The following BCLAF3 variants were observed in gnomAD, a reference collection of about 807,000 sequenced individuals.
BCLAF3 encodes BCLAF1 and THRAP3 family member 3, also known as transient octamer binding factor 1.
BCLAF3 carries 24 observed loss-of-function variants against 51.2 expected under a neutral mutation model. That is an observed-to-expected ratio of 0.47 (90% confidence interval 0.34 to 0.66). The LOEUF (loss-of-function observed/expected upper bound fraction) is 0.66. Ranked by LOEUF, BCLAF3 falls within the 30% of genes least tolerant of loss-of-function variation. The pLI, the probability that BCLAF3 is intolerant of heterozygous loss-of-function variation, is 0.01. For synonymous variants in BCLAF3, 152 were observed against 176.6 expected (o/e 0.86, Z 1.10); for missense variants, 465 against 525.1 (o/e 0.89, Z 1.12).
chrX:19,955,324 T>C (rs2071625580), intron 5 of BCLAF3, 67 bp downstream of exon 5: 1 of 814,637 alleles, frequency 1.2e-6, no homozygotes, highest in Non-Finnish European at 1.7e-6. Flanking sequence ...TGCAGGTGTT[T>C]ACCTGTATCT....
intron 8 of BCLAF3, among the ~76,000 whole-genome samples, chrX:19,946,480 C>CT (rs112708677): frequency 4.4e-4 from 49 of 110,381 alleles, no homozygotes; most frequent in Non-Finnish European, 5.9e-4. Flanking sequence ...TACCTCTAAT[C>CT]TTTTTTTTTC....
chrX:19,938,889 C>A (rs6527953), intron 8 of BCLAF3, among the ~76,000 whole-genome samples: 37,393 of 111,305 alleles, frequency 0.34, 7,324 homozygotes, highest in African/African-American at 0.75. Flanking sequence ...TGCTATGTGC[C>A]CATGTAGCAT....
intron 4 of BCLAF3, among the ~76,000 whole-genome samples, chrX:19,960,984 G>A (rs1205946839): frequency 9.0e-6 from 1 of 111,636 alleles, no homozygotes; most frequent in African/African-American, 3.3e-5. Context: ...AGCTTCCCAG[G>A]AGATCAAAGG....
At position 19,966,062 on chromosome X, in the gene BCLAF3, T is replaced by C. The variant is rs778582879; in HGVS notation, c.611+18A>G. The C allele has an allele frequency of 1.2e-5, 14 of 1,173,384 alleles. No homozygotes were observed. Among genetic ancestry groups the C allele is most frequent in the African/African-American group, 1.8e-5 (1 of 55,650 alleles). Reference sequence around the variant, plus strand: ...GAGGCTTTATACCAAATTACCCAGGTTTAATGTTTTCCTATACCTCTTCTG... The same window carrying C: ...GAGGCTTTATACCAAATTACCCAGGCTTAATGTTTTCCTATACCTCTTCTG... On this transcript the variant is annotated intron_variant, in intron 3 of 11. Coordinates refer to ENST00000379682, the MANE Select transcript of BCLAF3 (RefSeq NM_001367774.2).
intron 1 of BCLAF3, among the ~76,000 whole-genome samples, chrX:19,989,438 G>C (rs1270201636): frequency 8.9e-6 from 1 of 111,973 alleles, no homozygotes; most frequent in Non-Finnish European, 1.9e-5. Flanking sequence ...GGAGGTTGCA[G>C]TGAGCCGAGA....
chrX:19,982,958 C>CTTTT (rs749753466), intron 1 of BCLAF3, among the ~76,000 whole-genome samples: 2 of 72,347 alleles, frequency 2.8e-5, no homozygotes, highest in African/African-American at 7.2e-5. Flanking sequence ...TTTTTTTTTT[C>CTTTT]TTTTTTTTTT....
chrX:19,933,302 A>G lies in BCLAF3; in HGVS notation c.1950+2507T>C, dbSNP rs146058918. Reference sequence around the variant, plus strand: ...ATGTTTAGGTTCTGTAATAATTGTCAAAGACTTGCCCACAGAAATAGATTT... The same window carrying G: ...ATGTTTAGGTTCTGTAATAATTGTCGAAGACTTGCCCACAGAAATAGATTT... On this transcript the variant is annotated intron_variant, in intron 10 of 11. Transcript: ENST00000379682. 7.2e-3 allele frequency among the ~76,000 whole-genome samples: 809 copies of G among 112,345 alleles called. 15 individuals are homozygous for G. Among genetic ancestry groups the G allele is most frequent in the African/African-American group, 0.025 (782 of 30,983 alleles).
At chrX:19,951,705 A>T (rs2071488344) in intron 7 of BCLAF3, among the ~76,000 whole-genome samples, 1 of 109,806 alleles carries the variant, frequency 9.1e-6, no homozygotes, top group Non-Finnish European at 1.9e-5. Context: ...AGGTGGGTGG[A>T]TCCCTTGAGT....
At chrX:19,948,105 G>A (rs1299872845) in intron 8 of BCLAF3, among the ~76,000 whole-genome samples, 1 of 112,258 alleles carries the variant, frequency 8.9e-6, no homozygotes, top group East Asian at 2.8e-4. Flanking sequence ...TGGTGGAAAT[G>A]TAAAATAGCA....
Position 19,953,495 on chromosome X carries a change from C to G in BCLAF3, c.1565+283G>C, listed in dbSNP as rs745709372. On this transcript the variant is annotated intron_variant, in intron 6 of 11. Coordinates refer to ENST00000379682, the MANE Select transcript of BCLAF3 (RefSeq NM_001367774.2). ...TTCTTCTACTGAGGACCTCAGGAAG[C>G]AATTACTATTGACAGCAGAAGTGAA... Among the ~76,000 whole-genome samples the G allele has an allele frequency of 7.1e-5, 8 of 112,095 alleles. No homozygotes were observed. The South Asian group carries it at 2.9e-3, about 41-fold the overall frequency.
At chrX:19,922,834 A>G (rs2147683320) in intron 11 of BCLAF3, among the ~76,000 whole-genome samples, 1 of 110,484 alleles carries the variant, frequency 9.1e-6, no homozygotes, top group East Asian at 2.8e-4. Flanking sequence ...CAGGAGGTGG[A>G]GGTTGCAGTA....
At chrX:19,931,400 T>C (rs1009163600) in intron 10 of BCLAF3, among the ~76,000 whole-genome samples, 4 of 111,840 alleles carry the variant, frequency 3.6e-5, no homozygotes, top group African/African-American at 1.3e-4. Context: ...CAAAGGTTCA[T>C]AGATGGAGTC....
intron 10 of BCLAF3, among the ~76,000 whole-genome samples, chrX:19,933,533 C>CA (rs945179740): frequency 5.4e-5 from 6 of 111,151 alleles, no homozygotes; most frequent in South Asian, 7.5e-4. Context: ...CATAATTTTA[C>CA]AAAAAAAATT....
chrX:19,971,715 G>A (rs1315321641), intron 1 of BCLAF3, among the ~76,000 whole-genome samples: 1 of 111,631 alleles, frequency 9.0e-6, no homozygotes. Flanking sequence ...CCAAACCCCT[G>A]GTGGCTTCTA....
intron 10 of BCLAF3, among the ~76,000 whole-genome samples, chrX:19,933,691 A>G (rs2070647845): frequency 8.9e-6 from 1 of 112,387 alleles, no homozygotes; most frequent in African/African-American, 3.2e-5. Flanking sequence ...CCATTTCTAC[A>G]TGTCCTCTAA....
chrX:19,938,688 T>C (rs1368231925), intron 8 of BCLAF3, among the ~76,000 whole-genome samples: 1 of 112,870 alleles, frequency 8.9e-6, no homozygotes, highest in Admixed American at 9.3e-5. Flanking sequence ...TGAGCCACCG[T>C]GCCCAGCCAG....
intron 10 of BCLAF3, chrX:19,930,246 C>T: frequency 6.2e-6 from 1 of 161,557 alleles, no homozygotes; most frequent in Non-Finnish European, 1.2e-5. Flanking sequence ...GGGAGGCGGA[C>T]GTTGCAGCGA....
chrX:19,966,360 G>C lies in BCLAF3; in HGVS notation c.331C>G (p.Gln111Glu). ...PGRGDSNRRA[Q>E]YMPKYSEGIP... The stretch of plus-strand genomic sequence containing the variant: ...CCCTCTGAGTATTTGGGCATATACT[G>C]AGCTCTCCTGTTACTGTCCCCTCTT... The change falls in exon 3 of 12, where the codon CAG becomes GAG. Residue 111 changes from glutamine (Q) to glutamate (E), a missense_variant. Coordinates refer to ENST00000379682, the MANE Select transcript of BCLAF3 (RefSeq NM_001367774.2). 8.3e-7 allele frequency: 1 copy of C among 1,211,483 alleles called. No individual in the cohort carries two copies.
chrX:19,933,669 G>C (rs1256721022), intron 10 of BCLAF3, among the ~76,000 whole-genome samples: 1 of 112,514 alleles, frequency 8.9e-6, no homozygotes, highest in Non-Finnish European at 1.9e-5. Context: ...CTAATCTTGA[G>C]ACTGATGTGT....
Sources: allele counts gnomAD v4.1 joint callset (sites outside exome capture counted in the v4.1 genomes callset), GRCh38; gene constraint gnomAD v4.1.1; transcripts MANE v1.5; gene names NCBI Gene and HGNC (gene_info 2026-07-23, HGNC 2026-07-21).